The following FMN1 variants were observed in gnomAD, a reference collection of about 807,000 sequenced individuals.
The protein encoded by FMN1 is formin 1.
FMN1 carries 110 observed loss-of-function variants against 132.4 expected under a neutral mutation model. That is an observed-to-expected ratio of 0.83 (90% CI 0.71 to 0.97). The LOEUF (loss-of-function observed/expected upper bound fraction) is 0.97. FMN1 is among the 50% of genes least tolerant of loss of function. The pLI is 0.00. For synonymous variants in FMN1, 722 were observed against 651.7 expected (o/e 1.11, Z -1.64); for missense variants, 1,792 against 1,705.3 (o/e 1.05, Z -0.90).
At chr15:33,190,834 T>C (rs1213148669) in intron 2 of FMN1, among the ~76,000 whole-genome samples, 2 of 152,112 alleles carry the variant, frequency 1.3e-5, no homozygotes, top group African/African-American at 2.4e-5. Context: ...CCCTGCTACT[T>C]CTCCATTAAT....
At chr15:33,059,378 C>T (rs1473256036) in intron 6 of FMN1, among the ~76,000 whole-genome samples, 2 of 152,180 alleles carry the variant, frequency 1.3e-5, no homozygotes, top group South Asian at 4.1e-4. Flanking sequence ...CTATCTTTTA[C>T]ATATTGGTTT....
chr15:33,111,822 T>C (rs2039716942), intron 4 of FMN1, among the ~76,000 whole-genome samples: 1 of 152,004 alleles, frequency 6.6e-6, no homozygotes, highest in South Asian at 2.1e-4. Flanking sequence ...TCTGATGGTA[T>C]GGGGGTTTTG....
At chr15:33,016,767 T>C (rs571264764) in intron 6 of FMN1, among the ~76,000 whole-genome samples, 1 of 152,294 alleles carries the variant, frequency 6.6e-6, no homozygotes, top group East Asian at 1.9e-4. Flanking sequence ...CACCCCTCCT[T>C]CTTCCCCGGT....
In FMN1 at chr15:33,033,669, GTT is replaced by G. The variant is rs59822207; in HGVS notation, c.2162-25596_2162-25595del. On this transcript the variant is annotated intron_variant, in intron 6 of 20. Transcript: ENST00000616417. ...TATTTGTCCCACCAGCTACCTCATG[GTT>G]TTTTTTTTTTGTTCCTTTGTAGCAA... Among the ~76,000 whole-genome samples, 545 of 57,456 alleles carry G rather than the reference GTT, an allele frequency of 9.5e-3. 3 individuals are homozygous for G. Among genetic ancestry groups the G allele is most frequent in the Non-Finnish European group, 0.016 (376 of 24,074 alleles). The allele number at this position is 57,456 out of a possible 152,430, so 37.7% of individuals were successfully genotyped here.
At chr15:33,054,612 C>G (rs530871398) in intron 6 of FMN1, among the ~76,000 whole-genome samples, 1 of 152,172 alleles carries the variant, frequency 6.6e-6, no homozygotes, top group South Asian at 2.1e-4. Flanking sequence ...CCCTCCTCTT[C>G]TACATGAAAT....
At chr15:32,951,722 T>C (rs1290012988) in intron 9 of FMN1, among the ~76,000 whole-genome samples, 4 of 152,190 alleles carry the variant, frequency 2.6e-5, no homozygotes, top group Admixed American at 6.5e-5. Context: ...ACAACCACCT[T>C]TGAAGCAGAC....
At chr15:33,137,023 G>T (rs1963797247) in intron 4 of FMN1, among the ~76,000 whole-genome samples, 1 of 142,964 alleles carries the variant, frequency 7.0e-6, no homozygotes, top group African/African-American at 2.6e-5. Flanking sequence ...GGGAGGCAGA[G>T]GTTGCAGTGA....
intron 17 of FMN1, among the ~76,000 whole-genome samples, chr15:32,826,948 T>G (rs1286494149): frequency 6.6e-6 from 1 of 152,218 alleles, no homozygotes; most frequent in African/African-American, 2.4e-5. Context: ...AACTGATGCA[T>G]TCATCTTGTT....
intron 5 of FMN1, among the ~76,000 whole-genome samples, chr15:33,078,396 A>G (rs1343703297): frequency 6.6e-6 from 1 of 152,188 alleles, no homozygotes; most frequent in Non-Finnish European, 1.5e-5. Flanking sequence ...TTAATTGGAT[A>G]TTTAAATAAA....
chr15:33,012,412 G>T lies in FMN1; in HGVS notation c.2162-4337C>A, dbSNP rs551125577. 8.8e-6 allele frequency: 8 copies of T among 913,136 alleles called. No homozygotes were observed. In the South Asian group the frequency reaches 1.0e-4, roughly 12 times the overall value. 56.6% of individuals were successfully genotyped at this position (913,136 alleles called of 1,614,324 possible). A position where few individuals can be genotyped will look rare whatever the true frequency, so the allele number is the denominator to read the frequency against. ...CTAAGAAGATTCTCAAAGACCAGGT[G>T]CCCACTCAACTGTGAAAAAGACATT... is the stretch of plus-strand genomic sequence containing the variant. On this transcript the variant is annotated intron_variant, in intron 6 of 20. Coordinates refer to ENST00000616417, the MANE Select transcript of FMN1 (RefSeq NM_001277313.2).
intron 4 of FMN1, among the ~76,000 whole-genome samples, chr15:33,147,031 G>C (rs1964250921): frequency 6.6e-6 from 1 of 152,028 alleles, no homozygotes; most frequent in Non-Finnish European, 1.5e-5. Flanking sequence ...AAACTAGCCA[G>C]ATGCACACCT....
At chr15:33,165,539 C>A (rs7166564) in intron 3 of FMN1, among the ~76,000 whole-genome samples, 3 of 151,868 alleles carry the variant, frequency 2.0e-5, no homozygotes, top group Non-Finnish European at 2.9e-5. Context: ...TACAGGCGCC[C>A]GCCACCACGC....
chr15:33,095,954 A>G (rs1450847375), intron 4 of FMN1, among the ~76,000 whole-genome samples: 2 of 151,902 alleles, frequency 1.3e-5, no homozygotes, highest in Non-Finnish European at 2.9e-5. Flanking sequence ...AAAAGAAATG[A>G]TCCTAGCAAA....
intron 17 of FMN1, among the ~76,000 whole-genome samples, chr15:32,808,443 C>G (rs577661085): frequency 6.6e-6 from 1 of 152,330 alleles, no homozygotes; most frequent in East Asian, 1.9e-4. Context: ...CATGCCATGG[C>G]TGCTGGGGGT....
chr15:32,930,941 G>A (rs1294505256), intron 9 of FMN1, among the ~76,000 whole-genome samples: 3 of 152,056 alleles, frequency 2.0e-5, no homozygotes, highest in African/African-American at 7.2e-5. Flanking sequence ...CTATCTGTTG[G>A]AGAGACTATC....
chr15:32,939,077 C>T (rs2061343615), intron 9 of FMN1, among the ~76,000 whole-genome samples: 1 of 152,196 alleles, frequency 6.6e-6, no homozygotes, highest in South Asian at 2.1e-4. Flanking sequence ...TTAGCCAATC[C>T]AAATGGACAG....
chr15:33,087,838 C>G (rs566748280), intron 5 of FMN1, among the ~76,000 whole-genome samples: 1 of 151,496 alleles, frequency 6.6e-6, no homozygotes, highest in African/African-American at 2.4e-5. Flanking sequence ...TATACATATA[C>G]ATACACACAC....
rs1163441901 is a variant in FMN1 at position 32,771,499 on chromosome 15, A to C, written c.*2811T>G. 6.6e-6 allele frequency: 1 copy of C among 152,208 alleles called. No homozygotes were observed. Among genetic ancestry groups the C allele is most frequent in the Non-Finnish European group, 1.5e-5 (1 of 68,026 alleles). The allele number at this position is 152,208 out of a possible 1,614,324, so 9.4% of individuals were successfully genotyped here. On this transcript the variant is annotated 3_prime_UTR_variant, in exon 21 of 21. Transcript: ENST00000616417. ...GTCAATTGCTCATGCAAGAATCTGA[A>C]CTACTGTCAAACTGTGTCCTCAGAT...
intron 15 of FMN1, among the ~76,000 whole-genome samples, chr15:32,893,132 A>G (rs1303639670): frequency 6.6e-6 from 1 of 152,222 alleles, no homozygotes; most frequent in East Asian, 1.9e-4. Flanking sequence ...TGTTAGGGAT[A>G]CTAGGATACA....
Sources: allele counts gnomAD v4.1 joint callset (sites outside exome capture counted in the v4.1 genomes callset), GRCh38; gene constraint gnomAD v4.1.1; transcripts MANE v1.5; gene names NCBI Gene and HGNC (gene_info 2026-07-23, HGNC 2026-07-21).